Variants in CACHD1 observed in about 807,000 individuals in gnomAD.
The protein encoded by CACHD1 is cache domain containing 1, also known as VWFA and cache domain-containing protein 1.
A neutral mutation model predicts 138.7 loss-of-function variants in CACHD1; 71 were observed. The observed-to-expected ratio is 0.51, with a 90% CI of 0.42 to 0.62. The LOEUF is 0.62. CACHD1 is among the 20% of genes least tolerant of loss of function. The probability of loss-of-function intolerance (pLI) is 0.00; values close to 1 mark genes in which losing one functional copy is unlikely to be tolerated. For synonymous variants in CACHD1, 578 were observed against 591.5 expected, an observed-to-expected ratio of 0.98 and a Z score of 0.33; for missense variants, 1,389 against 1,625.3, an observed-to-expected ratio of 0.85 and a Z score of 2.50.
rs542139702 is a variant in CACHD1, at chr1:64,687,515, T to G, written c.3587-3808T>G. On this transcript the variant is annotated intron_variant, in intron 26 of 26. Coordinates refer to ENST00000651257, the MANE Select transcript of CACHD1 (RefSeq NM_020925.4). ...TATCAGAAAGCAGTAGCAGAAGAGA[T>G]GGGGGTGCCATCCTGAGATGAAGAG... Among the ~76,000 whole-genome samples the G allele has an allele frequency of 2.0e-5, 3 of 152,236 alleles. No individual in the cohort carries two copies. The East Asian group carries it at 5.8e-4, about 29-fold the overall frequency.
chr1:64,674,956 A>G (rs1473231092), intron 19 of CACHD1, among the ~76,000 whole-genome samples: 1 of 152,232 alleles, frequency 6.6e-6, no homozygotes, highest in Non-Finnish European at 1.5e-5. Context: ...TTATTATTAT[A>G]AAAGGAAAAA....
chr1:64,582,071 A>T (rs970653465), intron 2 of CACHD1, 85 bp from the exon 3 acceptor site: 16 of 1,423,902 alleles, frequency 1.1e-5, no homozygotes, highest in African/African-American at 5.7e-5. Context: ...GCAGCTTGTG[A>T]CACAGATTAC....
chr1:64,661,677 A>T (rs1649447817), intron 13 of CACHD1, among the ~76,000 whole-genome samples: 1 of 152,082 alleles, frequency 6.6e-6, no homozygotes, highest in Admixed American at 6.5e-5. Flanking sequence ...AGGTCCTTGC[A>T]TGGAGGGCCT....
At chr1:64,567,091 A>G (rs1646888722) in intron 2 of CACHD1, among the ~76,000 whole-genome samples, 1 of 152,128 alleles carries the variant, frequency 6.6e-6, no homozygotes, top group Non-Finnish European at 1.5e-5. Flanking sequence ...TGGATAAACT[A>G]GATTATGATC....
chr1:64,566,491 A>T (rs368779681), intron 2 of CACHD1, among the ~76,000 whole-genome samples: 1 of 115,970 alleles, frequency 8.6e-6, no homozygotes. Context: ...CCCCCCCCCC[A>T]CAAGGTATGG....
At chr1:64,635,054 T>C (rs1384801294) in intron 7 of CACHD1, among the ~76,000 whole-genome samples, 2 of 148,124 alleles carry the variant, frequency 1.4e-5, no homozygotes, top group African/African-American at 4.9e-5. Context: ...GTCTTCGTCA[T>C]CATCTAATTA....
intron 17 of CACHD1, among the ~76,000 whole-genome samples, chr1:64,672,486 T>C (rs1243565812): frequency 1.3e-5 from 2 of 152,222 alleles, no homozygotes; most frequent in African/African-American, 4.8e-5. Flanking sequence ...TCACATAACT[T>C]TTATTACTGT....
At chr1:64,603,088 C>T (rs1193533659) in intron 4 of CACHD1, among the ~76,000 whole-genome samples, 176 bp downstream of exon 4, 1 of 136,032 alleles carries the variant, frequency 7.4e-6, no homozygotes, top group African/African-American at 2.7e-5. Flanking sequence ...AAGAAAAAAT[C>T]AAGCTTACAT....
At chr1:64,500,717 T>TAAAA (rs72436564) in intron 1 of CACHD1, among the ~76,000 whole-genome samples, 2 of 33,974 alleles carry the variant, frequency 5.9e-5, no homozygotes, top group African/African-American at 1.1e-4. Flanking sequence ...CCTTGTCTCT[T>TAAAA]AAAAAAAAAA....
intron 1 of CACHD1, among the ~76,000 whole-genome samples, chr1:64,548,130 A>G (rs1180738758): frequency 1.3e-5 from 2 of 152,216 alleles, no homozygotes; most frequent in Non-Finnish European, 1.5e-5. Flanking sequence ...CCGGGCATAT[A>G]TTCTTTATTA....
At chr1:64,637,619 AC>A (rs1344154445) in intron 7 of CACHD1, among the ~76,000 whole-genome samples, 1 of 152,182 alleles carries the variant, frequency 6.6e-6, no homozygotes, top group African/African-American at 2.4e-5. Context: ...ATGTTGGCAA[AC>A]AAAAACATGG....
intron 7 of CACHD1, among the ~76,000 whole-genome samples, chr1:64,638,835 C>T (rs762780655): frequency 5.3e-5 from 8 of 152,038 alleles, no homozygotes; most frequent in African/African-American, 9.7e-5. Flanking sequence ...TATCCCAATG[C>T]ATTAAAAAAA....
At chr1:64,471,069 G>A in intron 1 of CACHD1, 127 bp downstream of exon 1, 5 of 910,626 alleles carry the variant, frequency 5.5e-6, no homozygotes, top group Non-Finnish European at 8.0e-6. Flanking sequence ...CCGGCTTCCC[G>A]TCGGACCCCT....
chr1:64,470,443 C>T lies in CACHD1; in HGVS notation c.-302C>T, dbSNP rs1646135656. Among the ~76,000 whole-genome samples the T allele has an allele frequency of 6.6e-6, 1 of 151,442 alleles. No individual in the cohort carries two copies. Among genetic ancestry groups the T allele is most frequent in the Non-Finnish European group, 1.5e-5 (1 of 67,814 alleles). On this transcript the variant is annotated 5_prime_UTR_variant, in exon 1 of 27. Coordinates refer to ENST00000651257, the MANE Select transcript of CACHD1 (RefSeq NM_020925.4). This position sits in a 1 kb window ranked among gnomAD's most constrained non-coding sequence, Gnocchi z 5.2. ...GCCCGCGCACCCCGGCCTGCGGGCG[C>T]CCCTGCTCTCGGAGACGCCCTCTGC...
chr1:64,557,791 T>TATG (rs957242572), intron 2 of CACHD1, among the ~76,000 whole-genome samples: 1 of 150,636 alleles, frequency 6.6e-6, no homozygotes, highest in African/African-American at 2.4e-5. Flanking sequence ...TTTAAAAAAT[T>TATG]ATTATTATTA....
At chr1:64,519,259 T>C (rs569961330) in intron 1 of CACHD1, among the ~76,000 whole-genome samples, 1 of 152,282 alleles carries the variant, frequency 6.6e-6, no homozygotes, top group African/African-American at 2.4e-5. Context: ...AATGGAAATG[T>C]GGGAAAATTC....
At chr1:64,673,293 A>C in intron 18 of CACHD1, 36 bp downstream of exon 18, 1 of 1,612,064 alleles carries the variant, frequency 6.2e-7, no homozygotes, top group South Asian at 1.1e-5. Context: ...CAGTTCTCCA[A>C]CCTCCTGCAG....
intron 9 of CACHD1, among the ~76,000 whole-genome samples, chr1:64,648,822 T>TAA (rs1198479310): frequency 1.7e-4 from 26 of 152,312 alleles, no homozygotes; most frequent in African/African-American, 6.0e-4. Context: ...TACAACATTT[T>TAA]CCTCAAGGCA....
Position 64,675,997 on chromosome 1 carries a change from TAATAATAATAATAA to T in CACHD1, c.2975+15_2975+28del. 1 of 42,798 alleles carries T rather than the reference TAATAATAATAATAA, an allele frequency of 2.3e-5. No homozygotes were observed. The highest frequency in any genetic ancestry group is 0.012 in the East Asian group (1 of 82). The allele number at this position is 42,798 out of a possible 1,614,324, so 2.7% of individuals were successfully genotyped here. On this transcript the variant is annotated intron_variant, in intron 21 of 26. Transcript: ENST00000651257. ...TGCAGAGAACCGGTAAAATAATTAA[TAATAATAATAATAA>T]TAATAATAATAATAATAATAATAAT...
Sources: gnomAD v4.1 joint callset for allele counts (sites outside exome capture counted in the v4.1 genomes callset) on GRCh38, gnomAD v4.1.1 for gene constraint, Gnocchi (gnomAD v3.1) non-coding constraint, MANE v1.5 for transcripts, NCBI Gene and HGNC (gene_info 2026-07-23, HGNC 2026-07-21) for gene names.